The following PALD1 variants were observed in gnomAD, a reference collection of about 807,000 sequenced individuals.
PALD1 encodes the protein phosphatase domain containing paladin 1.
A neutral mutation model predicts 96.0 loss-of-function variants in PALD1; 57 were observed. The observed-to-expected ratio is 0.59, with a 90% CI of 0.48 to 0.74. PALD1 has a LOEUF of 0.74. Ranked by LOEUF, PALD1 falls within the 30% of genes least tolerant of loss-of-function variation. The pLI is 0.00. For missense variants in PALD1, 1,063 were observed against 1,143.7 expected (o/e 0.93, Z 1.02); for synonymous variants, 464 against 473.6 (o/e 0.98, Z 0.26).
In PALD1 at chr10:70,539,817, C is replaced by T; in HGVS notation, c.1908+55C>T. The stretch of plus-strand genomic sequence containing the variant: ...GGGGAGGGACAGGAGGCCTCCCTGT[C>T]TCCCCTCTGGTCTGGGCTCTGGGAG... On this transcript the variant is annotated intron_variant, in intron 15 of 19. Transcript: ENST00000263563. The surrounding 1 kb of genome is among the most constrained non-coding windows in gnomAD (Gnocchi z 4.5). 2 of 1,477,498 alleles carry T rather than the reference C, an allele frequency of 1.4e-6. No homozygotes were observed. Among genetic ancestry groups the T allele is most frequent in the Non-Finnish European group, 1.8e-6 (2 of 1,084,038 alleles). 91.5% of individuals were successfully genotyped at this position (1,477,498 alleles called of 1,614,324 possible). A position where few individuals can be genotyped will look rare whatever the true frequency, so the allele number is the denominator to read the frequency against.
chr10:70,515,530 C>G (rs1564692862), intron 1 of PALD1, among the ~76,000 whole-genome samples: 1 of 152,216 alleles, frequency 6.6e-6, no homozygotes, highest in African/African-American at 2.4e-5. Context: ...TGGTTCTAGT[C>G]CTGGTCCTGA....
At chr10:70,530,117 G>T in intron 4 of PALD1, 49 bp downstream of exon 4, 1 of 1,445,308 alleles carries the variant, frequency 6.9e-7, no homozygotes. Context: ...AAGCCAGGGA[G>T]AGGGGCACCT....
At chr10:70,550,828 C>T (rs1446155426) in intron 18 of PALD1, among the ~76,000 whole-genome samples, 1 of 152,158 alleles carries the variant, frequency 6.6e-6, no homozygotes, top group Non-Finnish European at 1.5e-5. Context: ...AATAATATTC[C>T]ATTGTATAGA....
chr10:70,470,558 T>C, the PALD1 span, among the ~76,000 whole-genome samples: 4 of 142,546 alleles, frequency 2.8e-5, no homozygotes, highest in Non-Finnish European at 4.5e-5. Flanking sequence ...ATATTTTTAT[T>C]ATATAATAAA....
intron 1 of PALD1, among the ~76,000 whole-genome samples, chr10:70,523,978 T>C (rs1846797359): frequency 6.6e-6 from 1 of 152,102 alleles, no homozygotes; most frequent in South Asian, 2.1e-4. Flanking sequence ...GAAAGGACAG[T>C]GAGCTCAGCC....
chr10:70,531,257 T>C, intron 4 of PALD1, 33 bp from the exon 5 acceptor site: 1 of 1,595,898 alleles, frequency 6.3e-7, no homozygotes. Context: ...GGGATCATGA[T>C]GATGGCTTCC....
intron 1 of PALD1, among the ~76,000 whole-genome samples, chr10:70,488,124 C>T (rs1401937129): frequency 2.0e-5 from 1 of 50,684 alleles, no homozygotes; most frequent in Non-Finnish European, 4.3e-5. Flanking sequence ...TAAAATTTCT[C>T]TCTCTTTTTT....
intron 3 of PALD1, among the ~76,000 whole-genome samples, 198 bp from the exon 4 acceptor site, chr10:70,529,691 G>A (rs1846952713): frequency 6.6e-6 from 1 of 152,072 alleles, no homozygotes; most frequent in Admixed American, 6.6e-5. Flanking sequence ...TACACTTTAT[G>A]ATACCCTTCC....
At chr10:70,471,966 C>T in the PALD1 span, among the ~76,000 whole-genome samples, 4 of 152,136 alleles carry the variant, frequency 2.6e-5, no homozygotes, top group South Asian at 4.1e-4. Context: ...TCTTCATGCC[C>T]GAAGCTTCAC....
chr10:70,503,609 G>A (rs1010236494), intron 1 of PALD1, among the ~76,000 whole-genome samples: 1 of 152,162 alleles, frequency 6.6e-6, no homozygotes, highest in Non-Finnish European at 1.5e-5. Flanking sequence ...ACTCCAGCCT[G>A]AGTGACAGAG....
chr10:70,530,146 G>A (rs1262472550), intron 4 of PALD1, 78 bp downstream of exon 4: 3 of 1,211,390 alleles, frequency 2.5e-6, no homozygotes, highest in African/African-American at 1.6e-5. Context: ...CAGCTTTAGA[G>A]GCGCTGGAGG....
the PALD1 span, among the ~76,000 whole-genome samples, chr10:70,460,586 C>G: frequency 6.6e-6 from 1 of 152,204 alleles, no homozygotes; most frequent in Non-Finnish European, 1.5e-5. Flanking sequence ...CTGCTCCTCC[C>G]CATCTCTTCT....
At chr10:70,553,032 C>G (rs1020553950) in intron 18 of PALD1, among the ~76,000 whole-genome samples, 1 of 152,108 alleles carries the variant, frequency 6.6e-6, no homozygotes, top group African/African-American at 2.4e-5. Flanking sequence ...CATAAGATTC[C>G]GGCTCAGTGT....
At chr10:70,526,261 C>T in intron 2 of PALD1, 125 bp downstream of exon 2, 2 of 723,700 alleles carry the variant, frequency 2.8e-6, no homozygotes, top group South Asian at 1.7e-5. Flanking sequence ...TAGATGATGA[C>T]ACTGAGGCCC....
At chr10:70,492,446 G>T (rs1846114389) in intron 1 of PALD1, among the ~76,000 whole-genome samples, 3 of 104,478 alleles carry the variant, frequency 2.9e-5, no homozygotes, top group South Asian at 6.8e-4. Flanking sequence ...ATGCATTTTT[G>T]ACTTTTTTTT....
chr10:70,541,269 A>T (rs1473778700), intron 16 of PALD1, 27 bp downstream of exon 16: 2 of 1,587,962 alleles, frequency 1.3e-6, no homozygotes, highest in African/African-American at 2.7e-5. Context: ...AAGTGAGATT[A>T]GAGATTTGCC....
intron 17 of PALD1, among the ~76,000 whole-genome samples, chr10:70,542,246 C>G (rs1008056739): frequency 6.6e-6 from 1 of 152,206 alleles, no homozygotes; most frequent in Non-Finnish European, 1.5e-5. Flanking sequence ...CTGGCTGATT[C>G]TCTGATTCTT....
At chr10:70,465,740 G>A in the PALD1 span, among the ~76,000 whole-genome samples, 2 of 152,180 alleles carry the variant, frequency 1.3e-5, no homozygotes, top group Admixed American at 1.3e-4. Flanking sequence ...GCTGAATGCA[G>A]AACTCACAGG....
chr10:70,535,638 C>T (rs1847099384), intron 10 of PALD1, among the ~76,000 whole-genome samples: 1 of 144,976 alleles, frequency 6.9e-6, no homozygotes. Context: ...TCTCGTCTTC[C>T]TCCTCCCTCC....
Sources: allele counts gnomAD v4.1 joint callset (sites outside exome capture counted in the v4.1 genomes callset), GRCh38; gene constraint gnomAD v4.1.1; non-coding constraint Gnocchi (gnomAD v3.1); transcripts MANE v1.5; gene names NCBI Gene and HGNC (gene_info 2026-07-23, HGNC 2026-07-21).